VRK2: variants seen among roughly 807,000 people sequenced by gnomAD.
VRK2 encodes serine/threonine-protein kinase VRK2.
Under a neutral mutation model 57.6 loss-of-function variants are expected in VRK2, and 60 were observed. The observed-to-expected ratio is 1.04, with a 90% CI of 0.85 to 1.29. The LOEUF (loss-of-function observed/expected upper bound fraction) is 1.29. VRK2 is among the 50% of genes most tolerant of loss of function. The pLI is 0.00. For synonymous variants in VRK2, 231 were observed against 199.2 expected, an observed-to-expected ratio of 1.16 and a Z score of -1.35; for missense variants, 705 against 588.1, an observed-to-expected ratio of 1.20 and a Z score of -2.06.
intron 2 of VRK2, among the ~76,000 whole-genome samples, chr2:58,069,508 T>A (rs1221831703): frequency 2.6e-5 from 4 of 152,138 alleles, no homozygotes; most frequent in Non-Finnish European, 5.9e-5. Context: ...TGGGCTTTTA[T>A]TTACCGTGCC....
intron 1 of VRK2, among the ~76,000 whole-genome samples, chr2:57,973,264 T>A (rs1041314081): frequency 2.6e-5 from 4 of 151,864 alleles, no homozygotes; most frequent in African/African-American, 9.7e-5. Context: ...CTCTTACGGA[T>A]AAATTTGAAC....
intron 2 of VRK2, chr2:58,026,940 G>A (rs944694313): frequency 6.6e-6 from 1 of 151,476 alleles, no homozygotes; most frequent in Non-Finnish European, 1.5e-5. Flanking sequence ...TGTTGCCTAG[G>A]CTAGTGTTAA....
chr2:58,091,912 G>A (rs1558624721), intron 7 of VRK2, among the ~76,000 whole-genome samples: 1 of 152,112 alleles, frequency 6.6e-6, no homozygotes, highest in African/African-American at 2.4e-5. Flanking sequence ...TAATATTGAG[G>A]CTGATAAAGG....
At chr2:58,028,899 AATAAATATATATATATATATAT>A (rs1298486494) in intron 2 of VRK2, among the ~76,000 whole-genome samples, 6 of 80,868 alleles carry the variant, frequency 7.4e-5, no homozygotes, top group Admixed American at 1.4e-4. Flanking sequence ...TAAATAAATA[AATAAATATATATATATATATAT>A]ATATATATAT....
chr2:58,152,979 A>G (rs1286920918), intron 12 of VRK2, among the ~76,000 whole-genome samples: 3 of 152,020 alleles, frequency 2.0e-5, no homozygotes, highest in Non-Finnish European at 4.4e-5. Flanking sequence ...GATATTTTAT[A>G]ACATGTATGG....
At chr2:58,137,140 CAT>C (rs1265573424) in intron 10 of VRK2, among the ~76,000 whole-genome samples, 228 of 13,286 alleles carry the variant, frequency 0.017, no homozygotes, top group East Asian at 0.04. Flanking sequence ...TATCATATAT[CAT>C]ATATATCATG....
chr2:57,914,121 C>T (rs1226721053), intron 1 of VRK2, among the ~76,000 whole-genome samples: 1 of 151,928 alleles, frequency 6.6e-6, no homozygotes, highest in East Asian at 1.9e-4. Flanking sequence ...AATTAGGATC[C>T]TCTGTCCATT....
chr2:57,933,281 T>C (rs1032880413), intron 1 of VRK2, among the ~76,000 whole-genome samples: 3 of 151,262 alleles, frequency 2.0e-5, no homozygotes, highest in Non-Finnish European at 4.4e-5. Flanking sequence ...TCAATTACTG[T>C]ATTGCTATTT....
At chr2:58,040,971 T>C in intron 3 of VRK2, 1 of 910,082 alleles carries the variant, frequency 1.1e-6, no homozygotes, top group Non-Finnish European at 1.3e-6. Context: ...GTCAACTCTA[T>C]TCTTATTGAA....
At chr2:58,042,685 C>T (rs988208305), upstream of VRK2, among the ~76,000 whole-genome samples, 13 of 152,312 alleles carry the variant, frequency 8.5e-5, no homozygotes, top group East Asian at 3.9e-4. Flanking sequence ...AAAAGCAGAA[C>T]GCATGCCATA....
chr2:58,064,092 A>G (rs140100410), intron 2 of VRK2, among the ~76,000 whole-genome samples: 1 of 152,220 alleles, frequency 6.6e-6, no homozygotes, highest in African/African-American at 2.4e-5. Context: ...AGAATGAACA[A>G]AGAGAGTGGT....
At chr2:58,047,749 C>CGGG (rs145998599) in intron 1 of VRK2, among the ~76,000 whole-genome samples, 1 of 151,820 alleles carries the variant, frequency 6.6e-6, no homozygotes, top group Non-Finnish European at 1.5e-5. Context: ...GTGTGCCTAT[C>CGGG]AGGAGGAAGG....
chr2:58,142,556 T>A (rs184021653), intron 11 of VRK2, among the ~76,000 whole-genome samples: 5 of 151,956 alleles, frequency 3.3e-5, no homozygotes, highest in South Asian at 4.1e-4. Context: ...TTCTGGGGGC[T>A]CCTGAGTTAG....
At chr2:58,076,259 A>C (rs145750039) in intron 2 of VRK2, among the ~76,000 whole-genome samples, 1 of 152,116 alleles carries the variant, frequency 6.6e-6, no homozygotes, top group Non-Finnish European at 1.5e-5. Context: ...ATTGTAAGTC[A>C]GTAAGGCATT....
chr2:58,090,755 C>T (rs1030412774), intron 7 of VRK2, among the ~76,000 whole-genome samples: 4 of 152,124 alleles, frequency 2.6e-5, no homozygotes, highest in African/African-American at 9.7e-5. Flanking sequence ...AAAACCTGCA[C>T]GTGAATGCTT....
intron 7 of VRK2, among the ~76,000 whole-genome samples, chr2:58,117,538 A>G (rs1676712790): frequency 6.6e-6 from 1 of 152,144 alleles, no homozygotes; most frequent in South Asian, 2.1e-4. Flanking sequence ...CTGAGGGGAC[A>G]GGCGGGAGGG....
In VRK2 at chr2:58,105,740, G is replaced by T. The variant is rs1250174792; in HGVS notation, c.543+16017G>T. ...AATTAACAGGTGCCCTTTTTTAGTGGCTCTTAAAAATCATGGAACTCCAAG... is the reference window on the plus strand; with the variant it reads ...AATTAACAGGTGCCCTTTTTTAGTGTCTCTTAAAAATCATGGAACTCCAAG... On this transcript the variant is annotated intron_variant, in intron 7 of 12. Coordinates refer to ENST00000340157, the MANE Select transcript of VRK2 (RefSeq NM_006296.7). Among the ~76,000 whole-genome samples, 3 of 151,688 alleles carry T rather than the reference G, an allele frequency of 2.0e-5. 1 individual carries two copies. In the South Asian group the frequency reaches 6.2e-4, roughly 32 times the overall value.
At chr2:58,039,441 T>C (rs1400803757) in intron 3 of VRK2, among the ~76,000 whole-genome samples, 3 of 152,178 alleles carry the variant, frequency 2.0e-5, no homozygotes, top group East Asian at 1.9e-4. Context: ...TCCAATAGGA[T>C]TGAATTCTTG....
At chr2:57,934,606 T>C (rs1181691172) in intron 1 of VRK2, among the ~76,000 whole-genome samples, 2 of 152,212 alleles carry the variant, frequency 1.3e-5, no homozygotes, top group African/African-American at 4.8e-5. Context: ...TAGGTGTTCA[T>C]ATGTTCCCCC....
Sources: allele counts gnomAD v4.1 joint callset (sites outside exome capture counted in the v4.1 genomes callset), GRCh38; gene constraint gnomAD v4.1.1; transcripts MANE v1.5; gene names NCBI Gene and HGNC (gene_info 2026-07-23, HGNC 2026-07-21).